CDH18: variants seen among roughly 807,000 people sequenced by gnomAD.
CDH18 encodes the protein cadherin 18.
In CDH18, 31 loss-of-function variants were observed where a neutral mutation model predicts 67.9. The observed-to-expected ratio is 0.46, with a 90% CI of 0.34 to 0.62. The LOEUF is 0.62. Among genes scored for constraint, CDH18 ranks in the 20% least tolerant of loss-of-function variants. The pLI, the probability that CDH18 is intolerant of heterozygous loss-of-function variation, is 0.01. For synonymous variants in CDH18, 362 were observed against 347.2 expected, an observed-to-expected ratio of 1.04 and a Z score of -0.48; for missense variants, 890 against 975.5, an observed-to-expected ratio of 0.91 and a Z score of 1.17.
At chr5:20,550,809 T>C (rs1036766814) in intron 1 of CDH18, among the ~76,000 whole-genome samples, 1 of 152,212 alleles carries the variant, frequency 6.6e-6, no homozygotes, top group Non-Finnish European at 1.5e-5. Context: ...CTCGTGGTTC[T>C]GAAGGACATA....
At chr5:20,346,884 A>G (rs569471338) in intron 1 of CDH18, among the ~76,000 whole-genome samples, 2 of 152,328 alleles carry the variant, frequency 1.3e-5, no homozygotes, top group African/African-American at 2.4e-5. Flanking sequence ...AAGGTCCTCC[A>G]AATGTCATTA....
intron 5 of CDH18, among the ~76,000 whole-genome samples, chr5:19,720,581 C>T (rs569013641): frequency 6.6e-6 from 1 of 152,206 alleles, no homozygotes; most frequent in Non-Finnish European, 1.5e-5. Flanking sequence ...GATTCCGCTG[C>T]TGTAGCAAAT....
chr5:20,433,148 T>G (rs575837408), intron 1 of CDH18, among the ~76,000 whole-genome samples: 2 of 151,282 alleles, frequency 1.3e-5, no homozygotes, highest in East Asian at 3.9e-4. Flanking sequence ...CCTTCTCCAA[T>G]TTATACGTTG....
At chr5:19,943,537 C>CT (rs1159047144) in intron 2 of CDH18, among the ~76,000 whole-genome samples, 1 of 152,130 alleles carries the variant, frequency 6.6e-6, no homozygotes, top group African/African-American at 2.4e-5. Flanking sequence ...TAACAGTCCT[C>CT]TGATCCATCA....
In CDH18 at chr5:19,811,166, GAAAGAA is replaced by G. The variant is rs1250543317; in HGVS notation, c.228+27587_228+27592del. ...AGAAAGAAAGAAAGAAAGAAGGAGAGAAAGAAAGAGAAGAAAGAGGGAGAGAAAGAA... is the reference window on the plus strand; with the variant it reads ...AGAAAGAAAGAAAGAAAGAAGGAGAGAGAGAAGAAAGAGGGAGAGAAAGAA... On this transcript the variant is annotated intron_variant, in intron 3 of 12. Coordinates refer to ENST00000382275, the MANE Select transcript of CDH18 (RefSeq NM_004934.5). 9.7e-4 allele frequency among the ~76,000 whole-genome samples: 132 copies of G among 135,594 alleles called. 2 individuals carry two copies. The highest frequency in any genetic ancestry group is 3.9e-3 in the Middle Eastern group (1 of 256). The allele number at this position is 135,594 out of a possible 152,430, so 89.0% of individuals were successfully genotyped here. A position where few individuals can be genotyped will look rare whatever the true frequency, so the allele number is the denominator to read the frequency against.
At chr5:20,549,516 C>T (rs1046972143) in intron 1 of CDH18, among the ~76,000 whole-genome samples, 1 of 151,978 alleles carries the variant, frequency 6.6e-6, no homozygotes. Context: ...GAGGAAAGCA[C>T]GGCCGAAATA....
intron 3 of CDH18, among the ~76,000 whole-genome samples, chr5:19,811,864 A>T (rs1316870888): frequency 6.6e-6 from 1 of 152,214 alleles, no homozygotes; most frequent in Non-Finnish European, 1.5e-5. Context: ...GAAGAAAAAA[A>T]TGACCATTCA....
chr5:19,946,904 T>C (rs1795329242), intron 2 of CDH18, among the ~76,000 whole-genome samples: 1 of 152,144 alleles, frequency 6.6e-6, no homozygotes, highest in Admixed American at 6.6e-5. Context: ...GTGGGGTTTA[T>C]TCAAGATATG....
chr5:20,384,548 G>A (rs542060062), intron 1 of CDH18, among the ~76,000 whole-genome samples: 1 of 152,214 alleles, frequency 6.6e-6, no homozygotes, highest in East Asian at 1.9e-4. Flanking sequence ...AATGGACATG[G>A]AAGTGCAAAT....
At chr5:20,351,550 C>T (rs1008060260) in intron 1 of CDH18, among the ~76,000 whole-genome samples, 43 of 150,628 alleles carry the variant, frequency 2.9e-4, no homozygotes, top group African/African-American at 1.0e-3. Flanking sequence ...CTTTAAGAGA[C>T]TTAGTTTGTC....
intron 6 of CDH18, among the ~76,000 whole-genome samples, chr5:19,606,298 T>C (rs1022094301): frequency 6.6e-6 from 1 of 152,068 alleles, no homozygotes; most frequent in Non-Finnish European, 1.5e-5. Context: ...TTCAAAGTCA[T>C]GATTAAAAAT....
Position 19,960,611 on chromosome 5 carries a change from GTGTA to G in CDH18, c.-257+20445_-257+20448del, listed in dbSNP as rs1796730870. 2.3e-5 allele frequency among the ~76,000 whole-genome samples: 3 copies of G among 131,550 alleles called. No homozygotes were observed. In the East Asian group the frequency reaches 6.4e-4, roughly 28 times the overall value. 86.3% of individuals were successfully genotyped at this position (131,550 alleles called of 152,430 possible). Reference sequence around the variant, plus strand: ...TGTGTATATATATATATACACACACGTGTATATATATACACGTGTATATGTATAC... The same window carrying G: ...TGTGTATATATATATATACACACACGTATATATACACGTGTATATGTATAC... On this transcript the variant is annotated intron_variant, in intron 2 of 12. Coordinates refer to ENST00000382275, the MANE Select transcript of CDH18 (RefSeq NM_004934.5).
At chr5:19,871,888 C>T (rs1786345547) in intron 2 of CDH18, among the ~76,000 whole-genome samples, 1 of 152,120 alleles carries the variant, frequency 6.6e-6, no homozygotes, top group East Asian at 1.9e-4. Context: ...CAGTAAGTAT[C>T]AATACATTTT....
intron 12 of CDH18, among the ~76,000 whole-genome samples, chr5:19,479,374 G>A (rs1034300641): frequency 1.3e-5 from 2 of 151,946 alleles, no homozygotes; most frequent in Non-Finnish European, 2.9e-5. Flanking sequence ...TGGTTTTGTC[G>A]ATATTTATGC....
chr5:20,184,796 G>A (rs1415926418), intron 2 of CDH18, among the ~76,000 whole-genome samples: 1 of 152,066 alleles, frequency 6.6e-6, no homozygotes, highest in Admixed American at 6.6e-5. Context: ...AAAAGGGACT[G>A]TGTGTTCTAA....
intron 2 of CDH18, among the ~76,000 whole-genome samples, chr5:20,108,623 C>G (rs983970780): frequency 1.3e-5 from 2 of 152,140 alleles, no homozygotes; most frequent in Non-Finnish European, 2.9e-5. Context: ...ATCTCCGCCT[C>G]CCTACTAACC....
At chr5:19,495,570 G>A (rs899715743) in intron 11 of CDH18, among the ~76,000 whole-genome samples, 4 of 151,616 alleles carry the variant, frequency 2.6e-5, no homozygotes, top group Admixed American at 6.6e-5. Context: ...GAGAAACCCC[G>A]TCTCTACTAA....
rs547457297 is a variant in CDH18 at position 20,570,012 on chromosome 5, A to G, written c.-580+5450T>C. 1.1e-4 allele frequency among the ~76,000 whole-genome samples: 16 copies of G among 152,304 alleles called. No individual in the cohort carries two copies. The East Asian group carries it at 2.9e-3, about 28-fold the overall frequency. On this transcript the variant is annotated intron_variant, in intron 1 of 14. Coordinates refer to the CDH18 transcript ENST00000507958. ...AAAAGATCAGTGCTTGTCAGGTGTT[A>G]CGGAGAAGGAACTGAAGAAGGCATG...
intron 3 of CDH18, among the ~76,000 whole-genome samples, chr5:19,818,954 C>A (rs1256654761): frequency 6.6e-6 from 1 of 151,964 alleles, no homozygotes; most frequent in African/African-American, 2.4e-5. Flanking sequence ...GTAATCAGAT[C>A]TATGAGATAT....
Sources: gnomAD v4.1 joint callset for allele counts (sites outside exome capture counted in the v4.1 genomes callset) on GRCh38, gnomAD v4.1.1 for gene constraint, MANE v1.5 for transcripts, NCBI Gene and HGNC (gene_info 2026-07-23, HGNC 2026-07-21) for gene names.